Variants in MEIS1 observed in about 807,000 individuals in gnomAD.
The protein encoded by MEIS1 is Meis homeobox 1.
Under a neutral mutation model 50.8 loss-of-function variants are expected in MEIS1, and 5 were observed. The ratio of observed to expected loss-of-function variants is 0.10; its 90% CI spans 0.05 to 0.21. The LOEUF is 0.21. Among genes scored for constraint, MEIS1 ranks in the 10% least tolerant of loss-of-function variants. The pLI, the probability that MEIS1 is intolerant of heterozygous loss-of-function variation, is 1.00. For missense variants in MEIS1, 318 were observed against 517.3 expected (o/e 0.61, Z 3.74); for synonymous variants, 176 against 179.3 (o/e 0.98, Z 0.15).
At chr2:66,475,139 T>C (rs891989440) in intron 7 of MEIS1, among the ~76,000 whole-genome samples, 30 of 74,046 alleles carry the variant, frequency 4.1e-4, no homozygotes, top group African/African-American at 3.4e-3. Context: ...TATATACACA[T>C]ATATATATAT....
chr2:66,565,965 G>A (rs1292515723), intron 9 of MEIS1, among the ~76,000 whole-genome samples: 1 of 152,026 alleles, frequency 6.6e-6, no homozygotes, highest in African/African-American at 2.4e-5. Flanking sequence ...CTACACCTGT[G>A]CTTATAATGA....
At chr2:66,522,511 T>G (rs1386106623) in intron 8 of MEIS1, among the ~76,000 whole-genome samples, 1 of 152,242 alleles carries the variant, frequency 6.6e-6, no homozygotes, top group Admixed American at 6.5e-5. Context: ...GATATACGTG[T>G]CTGGCTCATT....
intron 8 of MEIS1, among the ~76,000 whole-genome samples, chr2:66,541,944 C>T (rs1558557327): frequency 6.6e-6 from 1 of 152,058 alleles, no homozygotes; most frequent in South Asian, 2.1e-4. Context: ...AAAACTAATT[C>T]ATAAAGCTGA....
chr2:66,439,473 T>G, intron 2 of MEIS1: 3 of 1,381,692 alleles, frequency 2.2e-6, no homozygotes. Context: ...GCCTTTCTCC[T>G]CCACCGGATC....
In MEIS1 at chr2:66,552,066, T is replaced by C. The variant is rs567958893; in HGVS notation, c.965+4047T>C. Among the ~76,000 whole-genome samples the C allele has an allele frequency of 4.4e-4, 67 of 151,516 alleles. 1 individual carries two copies. Among genetic ancestry groups the C allele is most frequent in the African/African-American group, 1.6e-3 (67 of 41,194 alleles). Reference sequence around the variant, plus strand: ...ACACACACACACACACAATCAATACTTGGTTGTTTTTTCTCCTGAATAGAC... The same window carrying C: ...ACACACACACACACACAATCAATACCTGGTTGTTTTTTCTCCTGAATAGAC... On this transcript the variant is annotated intron_variant, in intron 9 of 12. Transcript: ENST00000272369.
intron 8 of MEIS1, among the ~76,000 whole-genome samples, chr2:66,541,458 T>G (rs2103916689): frequency 6.6e-6 from 1 of 152,322 alleles, no homozygotes; most frequent in East Asian, 1.9e-4. Flanking sequence ...AGCATTCTAC[T>G]TTTCCTTCCA....
chr2:66,473,795 A>T (rs1263364687), intron 7 of MEIS1, among the ~76,000 whole-genome samples: 8 of 152,174 alleles, frequency 5.3e-5, no homozygotes, highest in Admixed American at 1.3e-4. Context: ...GAAGTTAAAT[A>T]AATGGGTTTG....
At chr2:66,482,598 T>C (rs1160331576) in intron 7 of MEIS1, among the ~76,000 whole-genome samples, 2 of 152,252 alleles carry the variant, frequency 1.3e-5, no homozygotes, top group Admixed American at 1.3e-4. Context: ...GATCAGGCAC[T>C]GCTTAGCATT....
At chr2:66,518,241 T>C (rs1674018773) in intron 8 of MEIS1, among the ~76,000 whole-genome samples, 1 of 152,226 alleles carries the variant, frequency 6.6e-6, no homozygotes, top group South Asian at 2.1e-4. Context: ...ACACGACCTC[T>C]GTCTGAGACT....
intron 7 of MEIS1, among the ~76,000 whole-genome samples, chr2:66,501,268 T>G (rs912842383): frequency 1.3e-5 from 2 of 152,200 alleles, no homozygotes; most frequent in East Asian, 3.8e-4. Context: ...AGTGCAAATA[T>G]AAAAATAAAG....
chr2:66,571,027 T>C (rs1675473898), intron 12 of MEIS1: 17 of 532,748 alleles, frequency 3.2e-5, no homozygotes, highest in Non-Finnish European at 4.9e-5. Flanking sequence ...GCGGACCTGA[T>C]AACAGTGACA....
At position 66,530,217 on chromosome 2, in the gene MEIS1, A is replaced by C. The variant is rs1320685693; in HGVS notation, c.889-17726A>C. Among the ~76,000 whole-genome samples, 3 of 151,842 alleles carry C rather than the reference A, an allele frequency of 2.0e-5. 1 individual carries two copies. ...AAAGCAAAAAAAAAAAAAGGAAAGA[A>C]GAAAAGATAAAAAGACTTTCAGAGT... On this transcript the variant is annotated intron_variant, in intron 8 of 12. Transcript: ENST00000272369.
chr2:66,460,873 T>A (rs1440577924), intron 6 of MEIS1, among the ~76,000 whole-genome samples: 1 of 152,148 alleles, frequency 6.6e-6, no homozygotes, highest in Non-Finnish European at 1.5e-5. Flanking sequence ...TTTTGAACCC[T>A]ATCCTTTGGG....
intron 6 of MEIS1, among the ~76,000 whole-genome samples, chr2:66,444,641 C>T (rs1336347850): frequency 1.3e-5 from 2 of 152,200 alleles, no homozygotes; most frequent in African/African-American, 2.4e-5. Flanking sequence ...AAACTGCAGG[C>T]GGCTCCCAGC....
At chr2:66,437,040 C>T (rs1190778983) in intron 1 of MEIS1, 4 of 834,352 alleles carry the variant, frequency 4.8e-6, no homozygotes, top group Non-Finnish European at 5.8e-6. Flanking sequence ...TATAGATTTT[C>T]TTTAACTTTG....
At chr2:66,463,413 G>T (rs567581478) in intron 6 of MEIS1, among the ~76,000 whole-genome samples, 19 of 152,116 alleles carry the variant, frequency 1.2e-4, no homozygotes, top group African/African-American at 3.4e-4. Context: ...TTTTCCTCAA[G>T]AATTTATTTT....
At chr2:66,471,838 C>G (rs1329671774) in intron 7 of MEIS1, among the ~76,000 whole-genome samples, 1 of 152,142 alleles carries the variant, frequency 6.6e-6, no homozygotes, top group African/African-American at 2.4e-5. Context: ...GTTAATTGTT[C>G]ATAATATTCA....
intron 7 of MEIS1, among the ~76,000 whole-genome samples, chr2:66,482,258 G>A (rs933166954): frequency 2.0e-5 from 3 of 152,070 alleles, no homozygotes; most frequent in Non-Finnish European, 4.4e-5. Context: ...CATTTTTCAT[G>A]CATTCAGATT....
At position 66,435,816 on chromosome 2, in the gene MEIS1, A is replaced by C. The variant is rs71411941; in HGVS notation, c.-41A>C. 6.7e-7 allele frequency: 1 copy of C among 1,491,040 alleles called. No individual in the cohort carries two copies. Among genetic ancestry groups the C allele is most frequent in the Non-Finnish European group, 9.0e-7 (1 of 1,108,042 alleles). 92.4% of individuals were successfully genotyped at this position (1,491,040 alleles called of 1,614,324 possible). A position where few individuals can be genotyped will look rare whatever the true frequency, so the allele number is the denominator to read the frequency against. On this transcript the variant is annotated 5_prime_UTR_variant, in exon 1 of 13. Transcript: ENST00000272369. ...TCTTTTCACACTGGCCTTAAAGAGGATATATTAGAAGTTGAAGTAGGAAGG... is the reference window on the plus strand; with the variant it reads ...TCTTTTCACACTGGCCTTAAAGAGGCTATATTAGAAGTTGAAGTAGGAAGG...
Sources: gnomAD v4.1 joint callset for allele counts (sites outside exome capture counted in the v4.1 genomes callset) on GRCh38, gnomAD v4.1.1 for gene constraint, MANE v1.5 for transcripts, NCBI Gene and HGNC (gene_info 2026-07-23, HGNC 2026-07-21) for gene names.